METTL15: variants seen among roughly 807,000 people sequenced by gnomAD.
METTL15 encodes the protein methyltransferase 15, mitochondrial 12S rRNA N4-cytidine, also known as 12S rRNA N(4)-cytidine methyltransferase METTL15.
METTL15 carries 34 observed loss-of-function variants against 38.3 expected under a neutral mutation model. The ratio of observed to expected loss-of-function variants is 0.89; its 90% confidence interval spans 0.68 to 1.18. METTL15 has a LOEUF of 1.18. METTL15 is among the 50% of genes most tolerant of loss of function. The pLI is 0.00. For missense variants in METTL15, 438 were observed against 498.4 expected, an observed-to-expected ratio of 0.88 and a Z score of 1.15; for synonymous variants, 162 against 170.9, an observed-to-expected ratio of 0.95 and a Z score of 0.41.
intron 6 of METTL15, among the ~76,000 whole-genome samples, chr11:28,324,148 A>C (rs1410716408): frequency 6.6e-6 from 1 of 152,192 alleles, no homozygotes; most frequent in Admixed American, 6.5e-5. Flanking sequence ...TAAGGAAGAA[A>C]CAGTTCTGCT....
downstream of METTL15, among the ~76,000 whole-genome samples, chr11:28,530,294 A>C (rs1851837289): frequency 6.6e-6 from 1 of 152,188 alleles, no homozygotes; most frequent in African/African-American, 2.4e-5. Context: ...AAAACAATGC[A>C]GGCCTTTGCA....
At chr11:28,330,137 T>A (rs952551034) in intron 6 of METTL15, among the ~76,000 whole-genome samples, 1 of 152,186 alleles carries the variant, frequency 6.6e-6, no homozygotes, top group Non-Finnish European at 1.5e-5. Flanking sequence ...TAAATATATG[T>A]CCACCATTTC....
chr11:28,122,646 T>TA (rs1412765660), intron 3 of METTL15, among the ~76,000 whole-genome samples: 1 of 151,580 alleles, frequency 6.6e-6, no homozygotes, highest in Non-Finnish European at 1.5e-5. Context: ...ATCTAATAAT[T>TA]ACAGTGTATA....
intron 4 of METTL15, among the ~76,000 whole-genome samples, chr11:28,253,437 T>G (rs1414197392): frequency 6.6e-6 from 1 of 152,222 alleles, no homozygotes; most frequent in African/African-American, 2.4e-5. Flanking sequence ...CCTCAAGCAT[T>G]TATTCTTTGA....
intron 3 of METTL15, chr11:28,122,258 T>G (rs1852275436): frequency 9.6e-7 from 1 of 1,039,990 alleles, no homozygotes; most frequent in Non-Finnish European, 1.3e-6. Context: ...TATCATGTTA[T>G]AAAATGTGAA....
chr11:28,492,577 T>C (rs1851505220), intron 6 of METTL15, among the ~76,000 whole-genome samples: 1 of 152,024 alleles, frequency 6.6e-6, no homozygotes, highest in Admixed American at 6.6e-5. Flanking sequence ...TGCTGACTTA[T>C]TCCTATTGTC....
At chr11:28,380,548 T>C (rs906346197) in intron 5 of METTL15, among the ~76,000 whole-genome samples, 1 of 152,200 alleles carries the variant, frequency 6.6e-6, no homozygotes, top group Non-Finnish European at 1.5e-5. Flanking sequence ...TCATATCTTC[T>C]TTTCTTTCTT....
intron 6 of METTL15, among the ~76,000 whole-genome samples, chr11:28,318,257 C>T (rs1259506596): frequency 1.3e-5 from 2 of 151,998 alleles, no homozygotes. Flanking sequence ...TGTACCAGGC[C>T]TTAAAATGGA....
intron 4 of METTL15, among the ~76,000 whole-genome samples, chr11:28,283,153 T>A (rs1007428297): frequency 6.6e-6 from 1 of 152,180 alleles, no homozygotes; most frequent in South Asian, 2.1e-4. Context: ...AACGAATAGA[T>A]GTTTTTCTTC....
intron 3 of METTL15, chr11:28,163,720 T>C (rs1412137650): frequency 3.0e-6 from 1 of 333,178 alleles, no homozygotes; most frequent in African/African-American, 2.1e-5. Context: ...TATCTTTAAC[T>C]AAAATTTAGT....
intron 5 of METTL15, among the ~76,000 whole-genome samples, chr11:28,399,516 AG>A (rs944343822): frequency 2.6e-5 from 4 of 151,918 alleles, no homozygotes; most frequent in African/African-American, 9.7e-5. Flanking sequence ...AATTTTCAAG[AG>A]GATTTTTAAA....
intron 6 of METTL15, among the ~76,000 whole-genome samples, chr11:28,328,831 A>C (rs958894172): frequency 1.3e-5 from 2 of 152,028 alleles, no homozygotes; most frequent in African/African-American, 4.8e-5. Flanking sequence ...TGTATTCTGC[A>C]GTTTACTTCT....
chr11:28,204,140 T>A (rs934755270), intron 3 of METTL15, among the ~76,000 whole-genome samples: 1 of 152,220 alleles, frequency 6.6e-6, no homozygotes, highest in Middle Eastern at 3.4e-3. Context: ...TTTGCACTGA[T>A]GCTGCCACAT....
chr11:28,265,780 AT>A (rs1855391535), intron 4 of METTL15, among the ~76,000 whole-genome samples: 1 of 152,152 alleles, frequency 6.6e-6, no homozygotes, highest in South Asian at 2.1e-4. Flanking sequence ...ACATCTCCAC[AT>A]TTGATAGATA....
At chr11:28,392,322 C>T (rs1426188339) in intron 5 of METTL15, among the ~76,000 whole-genome samples, 1 of 152,012 alleles carries the variant, frequency 6.6e-6, no homozygotes, top group Non-Finnish European at 1.5e-5. Flanking sequence ...CCTCAAACTC[C>T]TGATTTCAAA....
At chr11:28,475,830 A>C (rs534404616) in intron 6 of METTL15, among the ~76,000 whole-genome samples, 2 of 152,320 alleles carry the variant, frequency 1.3e-5, no homozygotes, top group Admixed American at 1.3e-4. Flanking sequence ...AATAAAACTT[A>C]GTTCCACAGA....
At chr11:28,167,852 C>T (rs1850709951) in intron 3 of METTL15, among the ~76,000 whole-genome samples, 1 of 151,618 alleles carries the variant, frequency 6.6e-6, no homozygotes, top group Non-Finnish European at 1.5e-5. Flanking sequence ...TTCTTTTATC[C>T]AACATAAGTT....
At chr11:28,340,380 G>A (rs911306281) in intron 3 of METTL15, among the ~76,000 whole-genome samples, 5 of 152,130 alleles carry the variant, frequency 3.3e-5, no homozygotes, top group African/African-American at 4.8e-5. Context: ...TCATCAGAGT[G>A]AACAGGCAAC....
At chr11:28,125,404 A>G (rs1852432350) in intron 3 of METTL15, 1 of 151,970 alleles carries the variant, frequency 6.6e-6, no homozygotes, top group African/African-American at 2.4e-5. Context: ...GATTGACACT[A>G]TTCTGGTTTG....
Sources: allele counts gnomAD v4.1 joint callset (sites outside exome capture counted in the v4.1 genomes callset), GRCh38; gene constraint gnomAD v4.1.1; transcripts MANE v1.5; gene names NCBI Gene and HGNC (gene_info 2026-07-23, HGNC 2026-07-21).